Variants in TGFBR3 observed in about 807,000 individuals in gnomAD.
TGFBR3 encodes transforming growth factor beta receptor 3.
Under a neutral mutation model 87.9 loss-of-function variants are expected in TGFBR3, and 46 were observed. That is an observed-to-expected ratio of 0.52 (90% confidence interval 0.41 to 0.67). The LOEUF is 0.67. TGFBR3 is among the 30% of genes least tolerant of loss of function. TGFBR3 has a pLI of 0.00. For missense variants in TGFBR3, 866 were observed against 1,041.9 expected, an observed-to-expected ratio of 0.83 and a Z score of 2.32; for synonymous variants, 381 against 391.6, an observed-to-expected ratio of 0.97 and a Z score of 0.32.
chr1:91,800,085 C>T (rs1331248476), intron 2 of TGFBR3, among the ~76,000 whole-genome samples: 2 of 151,548 alleles, frequency 1.3e-5, no homozygotes, highest in African/African-American at 2.4e-5. Context: ...GACAGGACAG[C>T]GACTCTTTAC....
intron 3 of TGFBR3, among the ~76,000 whole-genome samples, chr1:91,782,385 T>C (rs1328474318): frequency 6.6e-6 from 1 of 152,180 alleles, no homozygotes; most frequent in Non-Finnish European, 1.5e-5. Flanking sequence ...TTGGCAAGGC[T>C]AGGAGACACC....
chr1:91,807,008 T>G (rs1675859853), intron 2 of TGFBR3, among the ~76,000 whole-genome samples: 1 of 152,154 alleles, frequency 6.6e-6, no homozygotes, highest in Admixed American at 6.5e-5. Flanking sequence ...CAACACAGGA[T>G]ATGACGCAAA....
intron 4 of TGFBR3, among the ~76,000 whole-genome samples, chr1:91,747,269 T>C (rs1466083435): frequency 6.6e-6 from 1 of 152,164 alleles, no homozygotes; most frequent in Admixed American, 6.5e-5. Flanking sequence ...GACCTGGGTG[T>C]CTTAGGGCAA....
chr1:91,787,954 A>AAAAAAAAAAAAAAAC (rs1675032424), intron 3 of TGFBR3, among the ~76,000 whole-genome samples: 1 of 149,820 alleles, frequency 6.7e-6, no homozygotes, highest in African/African-American at 2.5e-5. Flanking sequence ...AAAAAAAAAA[A>AAAAAAAAAAAAAAAC]AACCCCAAGA....
At chr1:91,813,736 C>T (rs1050293142) in intron 2 of TGFBR3, among the ~76,000 whole-genome samples, 1 of 152,200 alleles carries the variant, frequency 6.6e-6, no homozygotes, top group South Asian at 2.1e-4. Context: ...AACGGGGCCA[C>T]CCAAAGGCCC....
At chr1:91,858,465 A>C (rs1678046720) in intron 2 of TGFBR3, among the ~76,000 whole-genome samples, 1 of 151,854 alleles carries the variant, frequency 6.6e-6, no homozygotes, top group Non-Finnish European at 1.5e-5. Context: ...AATACAAAAA[A>C]TTAGCTGGGC....
At chr1:91,867,489 A>G (rs1349433288) in intron 1 of TGFBR3, among the ~76,000 whole-genome samples, 1 of 152,192 alleles carries the variant, frequency 6.6e-6, no homozygotes, top group Non-Finnish European at 1.5e-5. Context: ...TCCGTCCTTA[A>G]GAGCCCTTCC....
intron 2 of TGFBR3, chr1:91,801,083 CAAAAAA>C: frequency 1.4e-4 from 20 of 138,786 alleles, no homozygotes; most frequent in South Asian, 1.1e-3. Flanking sequence ...AACTCTGTCT[CAAAAAA>C]AAAAAAAAAA....
chr1:91,770,141 C>T (rs1674324968), intron 3 of TGFBR3, among the ~76,000 whole-genome samples: 1 of 151,944 alleles, frequency 6.6e-6, no homozygotes, highest in East Asian at 1.9e-4. Flanking sequence ...TTCAAATTTG[C>T]TCTAAGAGCA....
At chr1:91,896,574 C>T (rs762671171) in intron 2 of TGFBR3, among the ~76,000 whole-genome samples, 7 of 152,172 alleles carry the variant, frequency 4.6e-5, no homozygotes, top group Non-Finnish European at 8.8e-5. Context: ...TTTCCATAGT[C>T]AGACCTGTTC....
At chr1:91,824,092 T>C (rs904877572) in intron 2 of TGFBR3, among the ~76,000 whole-genome samples, 2 of 152,186 alleles carry the variant, frequency 1.3e-5, no homozygotes, top group Non-Finnish European at 2.9e-5. Flanking sequence ...ACTGTACCAC[T>C]GCACTCCAGC....
At chr1:91,816,603 C>G (rs988006451) in intron 2 of TGFBR3, among the ~76,000 whole-genome samples, 21 of 152,288 alleles carry the variant, frequency 1.4e-4, no homozygotes, top group Admixed American at 3.9e-4. Context: ...GCTATTGAGT[C>G]TCTTTCATCT....
chr1:91,705,158 G>T (rs770936026), intron 14 of TGFBR3, among the ~76,000 whole-genome samples: 8 of 151,988 alleles, frequency 5.3e-5, no homozygotes, highest in Non-Finnish European at 1.0e-4. Context: ...CTGACAGGAA[G>T]GACATTCGTG....
At position 91,886,126 on chromosome 1, in the gene TGFBR3, G is replaced by T. The variant is rs1306701073; in HGVS notation, c.-362C>A. 8.8e-6 allele frequency: 4 copies of T among 454,106 alleles called. No individual in the cohort carries two copies. Among genetic ancestry groups the T allele is most frequent in the Admixed American group, 2.3e-5 (1 of 42,578 alleles). 28.1% of individuals were successfully genotyped at this position (454,106 alleles called of 1,614,324 possible). A position where few individuals can be genotyped will look rare whatever the true frequency, so the allele number is the denominator to read the frequency against. ...CACTCGCTGGGAAGAGGAAAGTGCC[G>T]CTCGGCGTCCCCGAAACCCTCGATT... On this transcript the variant is annotated 5_prime_UTR_variant, in exon 1 of 17. Transcript: ENST00000212355.
At chr1:91,800,241 A>AATAT (rs1402997279) in intron 2 of TGFBR3, among the ~76,000 whole-genome samples, 1 of 129,396 alleles carries the variant, frequency 7.7e-6, no homozygotes, top group Admixed American at 7.4e-5. Context: ...AAAAAAAAAA[A>AATAT]ATATATATAT....
chr1:91,752,404 C>T (rs1359548793), intron 4 of TGFBR3, among the ~76,000 whole-genome samples: 2 of 151,868 alleles, frequency 1.3e-5, no homozygotes, highest in Non-Finnish European at 2.9e-5. Flanking sequence ...CATTCACATA[C>T]ATTTGCTCTC....
chr1:91,764,130 A>G (rs1428243646), intron 3 of TGFBR3, among the ~76,000 whole-genome samples: 1 of 151,892 alleles, frequency 6.6e-6, no homozygotes, highest in African/African-American at 2.4e-5. Flanking sequence ...GGGGCACTCA[A>G]CTAACCATTC....
intron 2 of TGFBR3, among the ~76,000 whole-genome samples, chr1:91,854,039 A>G (rs562081414): frequency 1.3e-5 from 2 of 152,276 alleles, no homozygotes; most frequent in African/African-American, 4.8e-5. Context: ...TCAAACTCAT[A>G]GAAACAGTAA....
At chr1:91,729,285 T>TACACACACACACACACAC (rs72204982) in intron 6 of TGFBR3, among the ~76,000 whole-genome samples, 6 of 143,208 alleles carry the variant, frequency 4.2e-5, no homozygotes, top group African/African-American at 1.0e-4. Flanking sequence ...TGCATGCGCA[T>TACACACACACACACACAC]ACACACACAC....
Sources: gnomAD v4.1 joint callset for allele counts (sites outside exome capture counted in the v4.1 genomes callset) on GRCh38, gnomAD v4.1.1 for gene constraint, MANE v1.5 for transcripts, NCBI Gene and HGNC (gene_info 2026-07-23, HGNC 2026-07-21) for gene names.